Variants in HEMK2 observed in about 807,000 individuals in gnomAD.
HEMK2 encodes the protein HemK methyltransferase 2, ETF1 glutamine and histone H4 lysine, also known as methyltransferase HEMK2.
the HEMK2 span, among the ~76,000 whole-genome samples, chr21:28,591,785 A>C: frequency 6.6e-6 from 1 of 152,102 alleles, no homozygotes; most frequent in East Asian, 1.9e-4. Flanking sequence ...CCTACTTATA[A>C]ATGAGGACAT....
At chr21:28,706,325 G>C in the HEMK2 span, among the ~76,000 whole-genome samples, 1,521 of 152,110 alleles carry the variant, frequency 1.0e-2, 17 homozygotes, top group Middle Eastern at 0.024. Context: ...TGGTTACATT[G>C]AAGGATTATT....
chr21:28,722,926 G>T, the HEMK2 span, among the ~76,000 whole-genome samples: 1 of 151,878 alleles, frequency 6.6e-6, no homozygotes, highest in African/African-American at 2.4e-5. Flanking sequence ...ATCCAGAAAG[G>T]CCATGAGAGG....
the HEMK2 span, among the ~76,000 whole-genome samples, chr21:28,862,975 G>A: frequency 6.6e-6 from 1 of 152,236 alleles, no homozygotes; most frequent in East Asian, 1.9e-4. Context: ...AAGATTATGT[G>A]TGATCTCAGC....
the HEMK2 span, among the ~76,000 whole-genome samples, chr21:28,637,475 A>C: frequency 6.6e-6 from 1 of 152,100 alleles, no homozygotes; most frequent in South Asian, 2.1e-4. Context: ...AAATGGAAGA[A>C]TCCCCATGTG....
chr21:28,623,649 T>C, the HEMK2 span, among the ~76,000 whole-genome samples: 41 of 152,310 alleles, frequency 2.7e-4, no homozygotes, highest in African/African-American at 9.9e-4. Flanking sequence ...GAATATTATG[T>C]AGCCATAAAA....
chr21:28,868,611 G>A, the HEMK2 span, among the ~76,000 whole-genome samples: 1 of 152,138 alleles, frequency 6.6e-6, no homozygotes, highest in Admixed American at 6.5e-5. Context: ...CTAAGCTTGT[G>A]GGGTGGAGGT....
chr21:28,669,900 G>A, the HEMK2 span, among the ~76,000 whole-genome samples: 2 of 152,092 alleles, frequency 1.3e-5, no homozygotes, highest in African/African-American at 4.8e-5. Flanking sequence ...ACATTGAAAA[G>A]GGGCTCAGAC....
At chr21:28,604,973 G>A in the HEMK2 span, among the ~76,000 whole-genome samples, 3 of 152,272 alleles carry the variant, frequency 2.0e-5, no homozygotes, top group African/African-American at 7.2e-5. Flanking sequence ...AAGGAGACAG[G>A]ATTGTCCTAA....
the HEMK2 span, among the ~76,000 whole-genome samples, chr21:28,647,271 G>C: frequency 3.5e-5 from 5 of 141,236 alleles, no homozygotes; most frequent in African/African-American, 1.3e-4. Flanking sequence ...TGATCACAGG[G>C]TCAAGAGATC....
At chr21:28,655,387 T>A in the HEMK2 span, among the ~76,000 whole-genome samples, 1 of 152,008 alleles carries the variant, frequency 6.6e-6, no homozygotes, top group Non-Finnish European at 1.5e-5. Context: ...AAATTTGCTA[T>A]AAATAAGAAA....
At chr21:28,843,728 A>G in the HEMK2 span, among the ~76,000 whole-genome samples, 5 of 152,250 alleles carry the variant, frequency 3.3e-5, no homozygotes, top group Middle Eastern at 3.4e-3. Flanking sequence ...TCTGAGGAGT[A>G]TATTTTATGT....
chr21:28,585,495 A>G, the HEMK2 span, among the ~76,000 whole-genome samples: 1 of 152,106 alleles, frequency 6.6e-6, no homozygotes, highest in Non-Finnish European at 1.5e-5. Flanking sequence ...TAACATGTGT[A>G]AGGAAATCAG....
the HEMK2 span, among the ~76,000 whole-genome samples, chr21:28,618,727 T>A: frequency 6.6e-6 from 1 of 152,198 alleles, no homozygotes; most frequent in African/African-American, 2.4e-5. Flanking sequence ...TGAACACATA[T>A]CCTAAGGTAC....
At chr21:28,652,968 C>T in the HEMK2 span, among the ~76,000 whole-genome samples, 1 of 152,166 alleles carries the variant, frequency 6.6e-6, no homozygotes, top group Non-Finnish European at 1.5e-5. Context: ...CCAAAAGTTA[C>T]TGTTCCTTTC....
chr21:28,808,598 T>C, the HEMK2 span, among the ~76,000 whole-genome samples: 4 of 152,074 alleles, frequency 2.6e-5, no homozygotes, highest in Non-Finnish European at 4.4e-5. Context: ...AGAGAGCTTA[T>C]ATATTTATTT....
chr21:28,596,489 C>T, the HEMK2 span, among the ~76,000 whole-genome samples: 1 of 152,156 alleles, frequency 6.6e-6, no homozygotes, highest in Non-Finnish European at 1.5e-5. Context: ...CTGAATCTGA[C>T]TATGATATGT....
At chr21:28,663,813 A>C in the HEMK2 span, among the ~76,000 whole-genome samples, 1 of 152,340 alleles carries the variant, frequency 6.6e-6, no homozygotes, top group Non-Finnish European at 1.5e-5. Flanking sequence ...TAAATTGTAT[A>C]AATGAAACAT....
the HEMK2 span, among the ~76,000 whole-genome samples, chr21:28,700,807 T>C: frequency 6.9e-6 from 1 of 145,394 alleles, no homozygotes; most frequent in East Asian, 2.1e-4. Context: ...GCCAGTATCA[T>C]CCTGATACCA....
the HEMK2 span, among the ~76,000 whole-genome samples, chr21:28,704,469 A>G: frequency 1.3e-5 from 2 of 151,462 alleles, no homozygotes; most frequent in African/African-American, 4.8e-5. Flanking sequence ...ACAAGTGATT[A>G]GGGTGTTAGC....
Sources: allele counts gnomAD v4.1 joint callset (sites outside exome capture counted in the v4.1 genomes callset), GRCh38; gene constraint gnomAD v4.1.1; transcripts MANE v1.5; gene names NCBI Gene and HGNC (gene_info 2026-07-23, HGNC 2026-07-21).